The following GNAO1 variants were observed in gnomAD, a reference collection of about 807,000 sequenced individuals.
The protein encoded by GNAO1 is guanine nucleotide-binding protein G(o) subunit alpha.
For missense variants in GNAO1, 166 were observed against 478.7 expected (o/e 0.35, Z 6.10); for synonymous variants, 164 against 180.7 (o/e 0.91, Z 0.74).
chr16:56,200,999 C>T (rs2143300229), intron 2 of GNAO1, among the ~76,000 whole-genome samples: 2 of 152,274 alleles, frequency 1.3e-5, no homozygotes, highest in South Asian at 4.2e-4. Flanking sequence ...ATCTGTCCAT[C>T]CATAAGCATT....
At chr16:56,272,713 T>C (rs1369128693) in intron 2 of GNAO1, among the ~76,000 whole-genome samples, 1 of 152,246 alleles carries the variant, frequency 6.6e-6, no homozygotes, top group Non-Finnish European at 1.5e-5. Flanking sequence ...CAGTTTTCTC[T>C]TCTGTCAAAT....
At position 56,351,679 on chromosome 16, in the gene GNAO1, A is replaced by G; in HGVS notation, c.877+142A>G. 1 of 654,576 alleles carries G rather than the reference A, an allele frequency of 1.5e-6. No individual in the cohort carries two copies. The highest frequency in any genetic ancestry group is 1.9e-5 in the South Asian group (1 of 53,416). 40.5% of individuals were successfully genotyped at this position (654,576 alleles called of 1,614,324 possible). A position where few individuals can be genotyped will look rare whatever the true frequency, so the allele number is the denominator to read the frequency against. On this transcript the variant is annotated intron_variant, in intron 7 of 8. Transcript: ENST00000262493. The surrounding 1 kb of genome is among the most constrained non-coding windows in gnomAD (Gnocchi z 6.1). ...CAGGAGACTGGTGGGGCGCAAAAGAAAAACAGTGCTGTGCCACCAGGTTTG... is the reference window on the plus strand; with the variant it reads ...CAGGAGACTGGTGGGGCGCAAAAGAGAAACAGTGCTGTGCCACCAGGTTTG...
chr16:56,310,220 C>T (rs146076940), intron 3 of GNAO1, among the ~76,000 whole-genome samples: 4 of 151,930 alleles, frequency 2.6e-5, no homozygotes, highest in Non-Finnish European at 4.4e-5. Context: ...CCTAGGTACT[C>T]GCAGGAGGCT....
At chr16:56,275,100 A>G (rs995486480) in intron 2 of GNAO1, among the ~76,000 whole-genome samples, 2 of 152,232 alleles carry the variant, frequency 1.3e-5, no homozygotes, top group Admixed American at 1.3e-4. Flanking sequence ...ATATGACCAC[A>G]GAAGAGTTTA....
At chr16:56,289,459 G>A (rs904815700) in intron 3 of GNAO1, among the ~76,000 whole-genome samples, 4 of 152,204 alleles carry the variant, frequency 2.6e-5, no homozygotes, top group African/African-American at 9.7e-5. Flanking sequence ...AGCCATCGGG[G>A]TGAAGACACT....
chr16:56,298,402 C>T lies in GNAO1; in HGVS notation c.303+22330C>T, dbSNP rs577683459. 6.6e-5 allele frequency among the ~76,000 whole-genome samples: 10 copies of T among 152,190 alleles called. No homozygotes were observed. In the East Asian group the frequency reaches 1.7e-3, roughly 27 times the overall value. ...CTTCCAGCTTGCCCTTATTGATCAGCGACAGTGATGATGACAAGGGCAGTA... is the reference window on the plus strand; with the variant it reads ...CTTCCAGCTTGCCCTTATTGATCAGTGACAGTGATGATGACAAGGGCAGTA... On this transcript the variant is annotated intron_variant, in intron 3 of 8. Coordinates refer to ENST00000262493, the MANE Select transcript of GNAO1 (RefSeq NM_020988.3).
intron 2 of GNAO1, among the ~76,000 whole-genome samples, chr16:56,201,849 A>G (rs763999743): frequency 1.3e-5 from 2 of 152,322 alleles, no homozygotes; most frequent in Middle Eastern, 3.4e-3. Context: ...TGATGACTGC[A>G]TTTGGTCATG....
At chr16:56,253,728 C>A (rs1158734546) in intron 2 of GNAO1, among the ~76,000 whole-genome samples, 1 of 152,136 alleles carries the variant, frequency 6.6e-6, no homozygotes, top group Non-Finnish European at 1.5e-5. Context: ...GGATTTGACC[C>A]GATGGGCCAT....
intron 3 of GNAO1, among the ~76,000 whole-genome samples, chr16:56,313,874 A>G (rs1460352857): frequency 1.3e-5 from 2 of 151,264 alleles, no homozygotes; most frequent in African/African-American, 4.9e-5. Flanking sequence ...AGTACACACC[A>G]CTCCCAGGGG....
At chr16:56,201,541 G>T (rs1335258550) in intron 2 of GNAO1, among the ~76,000 whole-genome samples, 1 of 152,222 alleles carries the variant, frequency 6.6e-6, no homozygotes, top group Admixed American at 6.5e-5. Flanking sequence ...TACGTAGACT[G>T]GAGGAGATCA....
chr16:56,323,115 G>A (rs577967054), intron 3 of GNAO1, among the ~76,000 whole-genome samples: 2 of 152,290 alleles, frequency 1.3e-5, no homozygotes, highest in South Asian at 4.1e-4. Context: ...GACAGATGGA[G>A]CACCCAGCTT....
intron 3 of GNAO1, among the ~76,000 whole-genome samples, chr16:56,294,771 C>T (rs1252135329): frequency 6.6e-6 from 1 of 152,174 alleles, no homozygotes; most frequent in Admixed American, 6.5e-5. Flanking sequence ...CACTCACTGA[C>T]ATTTGGATTG....
At chr16:56,269,134 C>T (rs150034658) in intron 2 of GNAO1, among the ~76,000 whole-genome samples, 1 of 152,350 alleles carries the variant, frequency 6.6e-6, no homozygotes, top group East Asian at 1.9e-4. Flanking sequence ...CACGTTAAGA[C>T]AGCCTCAAAT....
rs137994601 is a variant in GNAO1, at chr16:56,262,249, C to T, written c.162-13682C>T. 1.2e-3 allele frequency among the ~76,000 whole-genome samples: 184 copies of T among 152,338 alleles called. 3 individuals carry two copies. The East Asian group carries it at 0.026, about 22-fold the overall frequency. ...TATATTCTGCAGTGAGTCACCACCG[C>T]GCCCCACAGCAAGTCGCAAGGGAGC... On this transcript the variant is annotated intron_variant, in intron 2 of 8. Transcript: ENST00000262493.
chr16:56,239,553 T>C (rs1474190711), intron 2 of GNAO1, among the ~76,000 whole-genome samples: 1 of 152,190 alleles, frequency 6.6e-6, no homozygotes, highest in African/African-American at 2.4e-5. Flanking sequence ...CCCATAAGAA[T>C]GTCTGTACCC....
At chr16:56,209,136 A>C (rs566805006) in intron 2 of GNAO1, among the ~76,000 whole-genome samples, 18 of 152,102 alleles carry the variant, frequency 1.2e-4, no homozygotes, top group Middle Eastern at 3.4e-3. Flanking sequence ...TTTATTTTCT[A>C]TTTAACTGTT....
At chr16:56,256,777 T>C (rs2036854613) in intron 2 of GNAO1, among the ~76,000 whole-genome samples, 1 of 150,554 alleles carries the variant, frequency 6.6e-6, no homozygotes, top group African/African-American at 2.5e-5. Context: ...TTTTTCTGGA[T>C]AGGCTATCCC....
intron 3 of GNAO1, among the ~76,000 whole-genome samples, chr16:56,279,055 T>G (rs560940846): frequency 5.9e-5 from 9 of 152,154 alleles, no homozygotes; most frequent in African/African-American, 1.9e-4. Context: ...CCCTCTCATG[T>G]TTTTTTCACC....
chr16:56,311,174 G>A lies in GNAO1; in HGVS notation c.304-17457G>A, dbSNP rs1183532510. Among the ~76,000 whole-genome samples, 1 of 151,050 alleles carries A rather than the reference G, an allele frequency of 6.6e-6. No individual in the cohort carries two copies. The highest frequency in any genetic ancestry group is 2.0e-4 in the East Asian group (1 of 5,104). ...TACCCTGGCCAGGGTGTGGGGCTTG[G>A]GGGTGGAGATGGGGGAGAGAGGCAT... On this transcript the variant is annotated intron_variant, in intron 3 of 8. Transcript: ENST00000262493. The surrounding 1 kb of genome is among the most constrained non-coding windows in gnomAD (Gnocchi z 5.2).
Sources: allele counts gnomAD v4.1 joint callset (sites outside exome capture counted in the v4.1 genomes callset), GRCh38; gene constraint gnomAD v4.1.1; non-coding constraint Gnocchi (gnomAD v3.1); transcripts MANE v1.5; gene names NCBI Gene and HGNC (gene_info 2026-07-23, HGNC 2026-07-21).